CACNA2D3: variants seen among roughly 807,000 people sequenced by gnomAD.
The protein encoded by CACNA2D3 is voltage-dependent calcium channel subunit alpha-2/delta-3.
Under a neutral mutation model 160.6 loss-of-function variants are expected in CACNA2D3, and 60 were observed. The ratio of observed to expected loss-of-function variants is 0.37; its 90% CI spans 0.30 to 0.46. The LOEUF (loss-of-function observed/expected upper bound fraction) is 0.46, where lower values mean the gene tolerates loss of function less well. Among genes scored for constraint, CACNA2D3 ranks in the 20% least tolerant of loss-of-function variants. The pLI is 1.00. For missense variants in CACNA2D3, 1,205 were observed against 1,365.0 expected (o/e 0.88, Z 1.85); for synonymous variants, 558 against 492.9 (o/e 1.13, Z -1.75).
chr3:54,581,783 T>C lies in CACNA2D3; in HGVS notation c.889-20T>C, dbSNP rs1328686106. ...CAATTCCTTAATTAAGTGTTCCTTC[T>C]TGACTTTTTTCCTTTGCAGTATAAT... On this transcript the variant is annotated intron_variant, in intron 8 of 37. Transcript: ENST00000474759. 1.2e-6 allele frequency: 2 copies of C among 1,605,194 alleles called. No homozygotes were observed. Among genetic ancestry groups the C allele is most frequent in the East Asian group, 4.5e-5 (2 of 44,818 alleles).
intron 5 of CACNA2D3, among the ~76,000 whole-genome samples, chr3:54,514,013 T>C (rs1204378320): frequency 2.0e-5 from 3 of 152,204 alleles, no homozygotes; most frequent in Non-Finnish European, 4.4e-5. Flanking sequence ...GTGCGGCAAA[T>C]GGAAGGCCCT....
intron 13 of CACNA2D3, among the ~76,000 whole-genome samples, chr3:54,809,908 T>C (rs146858626): frequency 5.6e-4 from 85 of 152,248 alleles, no homozygotes; most frequent in African/African-American, 1.9e-3. Flanking sequence ...GTAGATCTTA[T>C]ATGGAGGTCA....
intron 27 of CACNA2D3, among the ~76,000 whole-genome samples, chr3:54,923,755 G>C (rs1303444342): frequency 6.6e-6 from 1 of 152,164 alleles, no homozygotes; most frequent in Non-Finnish European, 1.5e-5. Context: ...CATGCCTTCT[G>C]TTCTCACCTG....
rs114929871 is a variant in CACNA2D3, at chr3:54,995,988, G to A, written c.2690+8235G>A. 8.9e-3 allele frequency among the ~76,000 whole-genome samples: 1,362 copies of A among 152,270 alleles called. 9 individuals are homozygous for A. Among genetic ancestry groups the A allele is most frequent in the Middle Eastern group, 0.027 (8 of 294 alleles). On this transcript the variant is annotated intron_variant, in intron 31 of 37. Coordinates refer to ENST00000474759, the MANE Select transcript of CACNA2D3 (RefSeq NM_018398.3). The stretch of plus-strand genomic sequence containing the variant: ...ATAGCCACCTTCTAACCACCTGTCC[G>A]TGTGCCTGCCTGACCCCAGACAATG...
rs12633481 is a variant in CACNA2D3, at chr3:54,552,531, G to A, written c.545-10269G>A. Among the ~76,000 whole-genome samples, 1,077 of 152,234 alleles carry A rather than the reference G, an allele frequency of 7.1e-3. 7 individuals are homozygous for A. The highest frequency in any genetic ancestry group is 0.015 in the East Asian group (80 of 5,176). ...TTTTACAGGAACTTAGCAAACTTCCGCTTTGAGCAAGGTAATGTACTATAG... is the reference window on the plus strand; with the variant it reads ...TTTTACAGGAACTTAGCAAACTTCCACTTTGAGCAAGGTAATGTACTATAG... On this transcript the variant is annotated intron_variant, in intron 5 of 37. Transcript: ENST00000474759.
intron 8 of CACNA2D3, among the ~76,000 whole-genome samples, chr3:54,574,062 C>G (rs1702543387): frequency 6.6e-6 from 1 of 152,132 alleles, no homozygotes; most frequent in South Asian, 2.1e-4. Context: ...TGTGTGAGTG[C>G]ATTGTTATCA....
chr3:54,270,348 G>A (rs1702596387), intron 2 of CACNA2D3, among the ~76,000 whole-genome samples: 1 of 152,166 alleles, frequency 6.6e-6, no homozygotes, highest in Non-Finnish European at 1.5e-5. Context: ...ACTGTATAGC[G>A]AGTGTTGCAG....
chr3:54,587,283 G>A (rs557956694), intron 9 of CACNA2D3, among the ~76,000 whole-genome samples: 87 of 152,182 alleles, frequency 5.7e-4, no homozygotes, highest in Admixed American at 3.3e-3. Flanking sequence ...AGGGGCAGGC[G>A]CGGTGGCTCA....
intron 13 of CACNA2D3, among the ~76,000 whole-genome samples, chr3:54,771,000 A>G (rs1215603379): frequency 6.6e-6 from 1 of 152,082 alleles, no homozygotes; most frequent in East Asian, 1.9e-4. Flanking sequence ...CTGATGCTTA[A>G]TTTTTCTTTC....
intron 13 of CACNA2D3, among the ~76,000 whole-genome samples, chr3:54,809,547 T>C (rs1426123574): frequency 1.4e-5 from 2 of 143,500 alleles, no homozygotes; most frequent in Non-Finnish European, 3.0e-5. Context: ...CTCGATCTCC[T>C]GACCTCATGA....
At chr3:54,383,016 T>G (rs1699129266) in intron 3 of CACNA2D3, among the ~76,000 whole-genome samples, 1 of 151,916 alleles carries the variant, frequency 6.6e-6, no homozygotes, top group Non-Finnish European at 1.5e-5. Context: ...CCTGGCTAAT[T>G]TTTGTATTTT....
At chr3:54,904,231 T>C (rs1700404923) in intron 27 of CACNA2D3, among the ~76,000 whole-genome samples, 1 of 152,184 alleles carries the variant, frequency 6.6e-6, no homozygotes. Context: ...CTGATCGTGG[T>C]GGTGATTCTT....
At chr3:54,987,886 T>G (rs888353439) in intron 31 of CACNA2D3, 133 bp downstream of exon 31, 1 of 608,684 alleles carries the variant, frequency 1.6e-6, no homozygotes, top group Middle Eastern at 2.7e-4. Flanking sequence ...CTCCAAAAGA[T>G]CTCTCTGAAA....
intron 4 of CACNA2D3, among the ~76,000 whole-genome samples, chr3:54,502,654 T>C (rs1354094096): frequency 3.3e-5 from 5 of 152,256 alleles, no homozygotes; most frequent in Non-Finnish European, 5.9e-5. Context: ...TCAAGATAGA[T>C]GGCCTGTATT....
At chr3:54,948,699 A>G (rs1471446828) in intron 27 of CACNA2D3, among the ~76,000 whole-genome samples, 1 of 152,212 alleles carries the variant, frequency 6.6e-6, no homozygotes, top group African/African-American at 2.4e-5. Flanking sequence ...TTTGCCTTTC[A>G]TGCCCATGCT....
chr3:54,764,627 CAT>C (rs957762073), intron 13 of CACNA2D3, among the ~76,000 whole-genome samples: 8 of 152,172 alleles, frequency 5.3e-5, no homozygotes, highest in African/African-American at 1.9e-4. Context: ...CACTTTTTCA[CAT>C]GTGTTCAAAT....
intron 4 of CACNA2D3, among the ~76,000 whole-genome samples, chr3:54,397,622 C>T (rs1426158482): frequency 4.6e-5 from 5 of 107,660 alleles, no homozygotes; most frequent in African/African-American, 7.2e-5. Context: ...TGTAGTTGAG[C>T]GGCTTTGAGT....
chr3:54,837,163 C>T lies in CACNA2D3; in HGVS notation c.1403C>T (p.Thr468Ile), dbSNP rs751605607. The part of the protein sequence containing the change: ...DSTLPQAQKL[T>I]DDQGPVLMTT... ...TGGCTTTTCTCTTCCATCCAGCTGA[C>T]TGATGATCAGGGCCCCGTCCTGATG... The change falls in exon 15 of 38, where the codon ACT becomes ATT. Residue 468 changes from threonine to isoleucine, a missense_variant. By Grantham distance (89) the Thr-to-Ile change is moderately conservative. Around this residue, in one of 3 missense-constraint regions of CACNA2D3, gnomAD observed 911 missense variants for 1,002.2 expected, o/e 0.91. Transcript: ENST00000474759. 123 of 1,613,788 alleles carry T rather than the reference C, an allele frequency of 7.6e-5. 2 individuals carry two copies. The South Asian group carries it at 1.3e-3, about 18-fold the overall frequency.
intron 11 of CACNA2D3, among the ~76,000 whole-genome samples, chr3:54,645,710 A>T (rs1699620596): frequency 6.6e-6 from 1 of 152,176 alleles, no homozygotes; most frequent in African/African-American, 2.4e-5. Flanking sequence ...TTCTCCAGCC[A>T]GAGGCCATTT....
Sources: gnomAD v4.1 joint callset for allele counts (sites outside exome capture counted in the v4.1 genomes callset) on GRCh38, gnomAD v4.1.1 for gene constraint, gnomAD v4.1.1 regional missense constraint, MANE v1.5 for transcripts, NCBI Gene and HGNC (gene_info 2026-07-23, HGNC 2026-07-21) for gene names.